The following PTPRS variants were observed in gnomAD, a reference collection of about 807,000 sequenced individuals.
The protein encoded by PTPRS is protein tyrosine phosphatase receptor type S.
Under a neutral mutation model 215.3 loss-of-function variants are expected in PTPRS, and 63 were observed. That is an observed-to-expected ratio of 0.29 (90% CI 0.24 to 0.36). The LOEUF is 0.36. PTPRS is among the 10% of genes least tolerant of loss of function. PTPRS has a pLI of 1.00. For synonymous variants in PTPRS, 1,404 were observed against 1,191.4 expected (o/e 1.18, Z -3.68); for missense variants, 2,258 against 2,825.8 (o/e 0.80, Z 4.56).
At chr19:5,260,329 A>T (rs941461461) in intron 7 of PTPRS, among the ~76,000 whole-genome samples, 1 of 151,748 alleles carries the variant, frequency 6.6e-6, no homozygotes, top group Non-Finnish European at 1.5e-5. Context: ...ACAGGCGCCC[A>T]CCACCATGCC....
chr19:5,206,758 G>A lies in PTPRS; in HGVS notation c.*16C>T, dbSNP rs747534517. 7.4e-6 allele frequency: 12 copies of A among 1,612,500 alleles called. No homozygotes were observed. The highest frequency in any genetic ancestry group is 1.3e-5 in the African/African-American group (1 of 74,988). ...ATCCGGGGCCAGTGGTGTCGGGCCTGGGGGGAACCATGGCTTTAGGTTGCA... is the reference window on the plus strand; with the variant it reads ...ATCCGGGGCCAGTGGTGTCGGGCCTAGGGGGAACCATGGCTTTAGGTTGCA... On this transcript the variant is annotated 3_prime_UTR_variant, in exon 38 of 38. Coordinates refer to ENST00000262963, the MANE Select transcript of PTPRS (RefSeq NM_002850.4).
chr19:5,291,979 C>T (rs895314389), intron 1 of PTPRS, among the ~76,000 whole-genome samples: 1 of 151,994 alleles, frequency 6.6e-6, no homozygotes, highest in Non-Finnish European at 1.5e-5. Flanking sequence ...CCAGCATACC[C>T]TTTCACATCC....
At chr19:5,219,086 A>G (rs1473422295) in intron 23 of PTPRS, 5 of 664,188 alleles carry the variant, frequency 7.5e-6, no homozygotes, top group Non-Finnish European at 1.3e-5. Context: ...TGAGTTGAAG[A>G]TAGGGGTTAA....
chr19:5,229,912 C>A (rs546769336), intron 14 of PTPRS, among the ~76,000 whole-genome samples: 52 of 152,040 alleles, frequency 3.4e-4, no homozygotes, highest in Non-Finnish European at 5.2e-4. Context: ...GCTGCCCCCC[C>A]CCGAGTCTAA....
In PTPRS at chr19:5,328,630, A is replaced by C. The variant is rs958299436; in HGVS notation, c.-95+12034T>G. 2.6e-5 allele frequency among the ~76,000 whole-genome samples: 4 copies of C among 152,164 alleles called. No individual in the cohort carries two copies. The South Asian group carries it at 6.2e-4, about 24-fold the overall frequency. On this transcript the variant is annotated intron_variant, in intron 1 of 37. Transcript: ENST00000262963. ...CACACAGCATTTCCGCTGGGAACCC[A>C]GTCTCCTGGCCTCCCTGCCCAAGGG... is the stretch of plus-strand genomic sequence containing the variant.
intron 32 of PTPRS, 64 bp from the exon 33 acceptor site, chr19:5,211,832 C>G (rs1349075036): frequency 1.3e-6 from 2 of 1,591,078 alleles, no homozygotes; most frequent in African/African-American, 2.7e-5. Context: ...TCAGCTGGAG[C>G]ACCAATGGTG....
chr19:5,269,921 CAAAAAAAAA>C (rs33953639), intron 4 of PTPRS, among the ~76,000 whole-genome samples: 7 of 82,628 alleles, frequency 8.5e-5, no homozygotes, highest in Admixed American at 5.7e-4. Context: ...AACTCCATCT[CAAAAAAAAA>C]AAAAAAAAAA....
Position 5,207,087 on chromosome 19 carries a change from CTTTTT to C in PTPRS, c.5779-250_5779-246del, listed in dbSNP as rs566076916. Among the ~76,000 whole-genome samples, 57 of 152,308 alleles carry C rather than the reference CTTTTT, an allele frequency of 3.7e-4. No individual in the cohort carries two copies. The South Asian group carries it at 0.01, about 27-fold the overall frequency. ...TGCCTGGAGGCCCTATTCATCTTTTCTTTTTTATTTATTTTGAGACGGAGTCTCGC... is the reference window on the plus strand; with the variant it reads ...TGCCTGGAGGCCCTATTCATCTTTTCTATTTATTTTGAGACGGAGTCTCGC... On this transcript the variant is annotated intron_variant, in intron 37 of 37. Transcript: ENST00000262963.
At chr19:5,286,297 AG>A in intron 1 of PTPRS, 63 bp from the exon 2 acceptor site, 1 of 743,950 alleles carries the variant, frequency 1.3e-6, no homozygotes, top group Non-Finnish European at 2.3e-6. Context: ...TTCATGGAGG[AG>A]GCAGAGGGAG....
chr19:5,315,803 T>TA (rs1033272936), intron 1 of PTPRS, among the ~76,000 whole-genome samples: 2 of 132,546 alleles, frequency 1.5e-5, no homozygotes, highest in African/African-American at 5.8e-5. Context: ...ATTTTTTTTT[T>TA]AACTTTTTGC....
chr19:5,340,053 G>A (rs1460770129), intron 1 of PTPRS, among the ~76,000 whole-genome samples: 1 of 151,840 alleles, frequency 6.6e-6, no homozygotes. Context: ...TTCCAGGGGA[G>A]ACGGCGTAGA....
Position 5,257,864 on chromosome 19 carries a change from C to T in PTPRS, c.706+153G>A, listed in dbSNP as rs572693821. Reference sequence around the variant, plus strand: ...AAGGAAACTAAGGCCCAGAGAGGGACGCCGCCTCGGCCAAGGTCCCACCGC... The same window carrying T: ...AAGGAAACTAAGGCCCAGAGAGGGATGCCGCCTCGGCCAAGGTCCCACCGC... On this transcript the variant is annotated intron_variant, in intron 8 of 37. Transcript: ENST00000262963. This position sits in a 1 kb window ranked among gnomAD's most constrained non-coding sequence, Gnocchi z 4.4. Among the ~76,000 whole-genome samples the T allele has an allele frequency of 1.2e-4, 19 of 152,302 alleles. No homozygotes were observed. The highest frequency in any genetic ancestry group is 6.2e-4 in the South Asian group (3 of 4,824).
At chr19:5,209,869 T>C (rs894439813) in intron 35 of PTPRS, among the ~76,000 whole-genome samples, 2 of 152,184 alleles carry the variant, frequency 1.3e-5, no homozygotes, top group East Asian at 1.9e-4. Flanking sequence ...TTTGGCATCA[T>C]CTTGGCCAAC....
At chr19:5,326,549 G>A (rs1017158742) in intron 1 of PTPRS, among the ~76,000 whole-genome samples, 7 of 152,080 alleles carry the variant, frequency 4.6e-5, no homozygotes, top group African/African-American at 1.2e-4. Flanking sequence ...GGCTGGGCAC[G>A]GTGGCTCGTG....
intron 1 of PTPRS, among the ~76,000 whole-genome samples, chr19:5,310,973 T>G (rs975074217): frequency 2.6e-5 from 4 of 151,780 alleles, no homozygotes; most frequent in Non-Finnish European, 4.4e-5. Flanking sequence ...TCTGCCTCCC[T>G]GGTTCAAGCG....
At position 5,229,686 on chromosome 19, in the gene PTPRS, TG is replaced by T; in HGVS notation, c.2156-3del. On this transcript the variant is annotated splice_polypyrimidine_tract_variant and splice_region_variant and intron_variant, in intron 14 of 37. Coordinates refer to ENST00000262963, the MANE Select transcript of PTPRS (RefSeq NM_002850.4). ...CCTTCCGCGGCGGCGCGCTGGGCAC[TG>T]GCGGGCGGGAGGGGAGGGGAGGGGC... The T allele has an allele frequency of 4.4e-6, 2 of 459,318 alleles. No individual in the cohort carries two copies. Among genetic ancestry groups the T allele is most frequent in the South Asian group, 5.9e-5 (1 of 16,810 alleles). The allele number at this position is 459,318 out of a possible 1,614,324, so 28.5% of individuals were successfully genotyped here. A position where few individuals can be genotyped will look rare whatever the true frequency, so the allele number is the denominator to read the frequency against.
At chr19:5,242,469 G>C (rs1170665055) in intron 11 of PTPRS, among the ~76,000 whole-genome samples, 1 of 150,756 alleles carries the variant, frequency 6.6e-6, no homozygotes, top group Admixed American at 6.6e-5. Flanking sequence ...CCGAGTTCAA[G>C]TGATTCTCCT....
Position 5,257,292 on chromosome 19 carries a change from G to A in PTPRS, c.706+725C>T. On this transcript the variant is annotated intron_variant, in intron 8 of 37. Coordinates refer to ENST00000262963, the MANE Select transcript of PTPRS (RefSeq NM_002850.4). The surrounding 1 kb of genome is among the most constrained non-coding windows in gnomAD (Gnocchi z 4.4). ...GCGAGGCCCCCACGCTGCTGGGCAT[G>A]ACTGAGTGGGAATTGGAAACTGAGA... 1 of 401,450 alleles carries A rather than the reference G, an allele frequency of 2.5e-6. No homozygotes were observed. Among genetic ancestry groups the A allele is most frequent in the Admixed American group, 2.7e-5 (1 of 37,694 alleles). 24.9% of individuals were successfully genotyped at this position (401,450 alleles called of 1,614,324 possible). A position where few individuals can be genotyped will look rare whatever the true frequency, so the allele number is the denominator to read the frequency against.
intron 26 of PTPRS, 104 bp downstream of exon 26, chr19:5,216,616 T>C (rs2145198341): frequency 1.0e-6 from 1 of 998,106 alleles, no homozygotes; most frequent in South Asian, 1.5e-5. Context: ...AGGCCGGTGA[T>C]GGGTGGGCGT....
Sources: allele counts gnomAD v4.1 joint callset (sites outside exome capture counted in the v4.1 genomes callset), GRCh38; gene constraint gnomAD v4.1.1; non-coding constraint Gnocchi (gnomAD v3.1); transcripts MANE v1.5; gene names NCBI Gene and HGNC (gene_info 2026-07-23, HGNC 2026-07-21).